SLCO3A1: variants seen among roughly 807,000 people sequenced by gnomAD.
SLCO3A1 encodes the protein solute carrier organic anion transporter family member 3A1.
In SLCO3A1, 27 loss-of-function variants were observed where a neutral mutation model predicts 63.1. The ratio of observed to expected loss-of-function variants is 0.43; its 90% CI spans 0.32 to 0.59. The LOEUF (loss-of-function observed/expected upper bound fraction) is 0.59, where lower values mean the gene tolerates loss of function less well. Ranked by LOEUF, SLCO3A1 falls within the 20% of genes least tolerant of loss-of-function variation. The probability of loss-of-function intolerance (pLI) is 0.09; values close to 1 mark genes in which losing one functional copy is unlikely to be tolerated. For missense variants in SLCO3A1, 773 were observed against 945.8 expected (o/e 0.82, Z 2.40); for synonymous variants, 473 against 409.9 (o/e 1.15, Z -1.86).
At chr15:92,134,902 G>A (rs916928888) in intron 7 of SLCO3A1, among the ~76,000 whole-genome samples, 1 of 152,014 alleles carries the variant, frequency 6.6e-6, no homozygotes, top group African/African-American at 2.4e-5. Context: ...TGGAAGGAGG[G>A]AGTGGGCATG....
intron 2 of SLCO3A1, among the ~76,000 whole-genome samples, chr15:91,960,858 G>A (rs1462717290): frequency 2.0e-5 from 3 of 152,246 alleles, no homozygotes; most frequent in South Asian, 2.1e-4. Flanking sequence ...AATCTGAAAT[G>A]TTCCAATGAG....
At chr15:92,111,120 AC>A (rs2047723822) in intron 4 of SLCO3A1, among the ~76,000 whole-genome samples, 1 of 152,058 alleles carries the variant, frequency 6.6e-6, no homozygotes, top group African/African-American at 2.4e-5. Context: ...TGTGCTTCCC[AC>A]AGTTCAGCAG....
intron 1 of SLCO3A1, among the ~76,000 whole-genome samples, chr15:91,908,159 A>G (rs922434553): frequency 6.6e-6 from 1 of 152,122 alleles, no homozygotes; most frequent in Non-Finnish European, 1.5e-5. Flanking sequence ...CATATTACCC[A>G]GTTAATATGA....
At chr15:92,141,607 C>T (rs1459714416) in intron 7 of SLCO3A1, among the ~76,000 whole-genome samples, 1 of 152,180 alleles carries the variant, frequency 6.6e-6, no homozygotes, top group Admixed American at 6.5e-5. Context: ...TTACTGCCAG[C>T]TGAAGGGGTA....
chr15:91,874,133 A>G (rs1452399794), intron 1 of SLCO3A1, among the ~76,000 whole-genome samples: 1 of 152,216 alleles, frequency 6.6e-6, no homozygotes, highest in East Asian at 1.9e-4. Context: ...TTTATAAATT[A>G]GGCACAGTAA....
chr15:92,152,223 G>A (rs1449028730), intron 9 of SLCO3A1, among the ~76,000 whole-genome samples: 1 of 152,230 alleles, frequency 6.6e-6, no homozygotes, highest in African/African-American at 2.4e-5. Flanking sequence ...ATATATGAAA[G>A]AAAAATATTA....
In SLCO3A1 at chr15:92,136,968, CTT is replaced by C. The variant is rs60449563; in HGVS notation, c.1512+8494_1512+8495del. Among the ~76,000 whole-genome samples the C allele has an allele frequency of 1.0e-3, 144 of 141,026 alleles. 1 individual carries two copies. Among genetic ancestry groups the C allele is most frequent in the Middle Eastern group, 3.6e-3 (1 of 280 alleles). 92.5% of individuals were successfully genotyped at this position (141,026 alleles called of 152,430 possible). On this transcript the variant is annotated intron_variant, in intron 7 of 9. Coordinates refer to ENST00000318445, the MANE Select transcript of SLCO3A1 (RefSeq NM_013272.4). ...CCATCGCGTGGACCAAGTAGTCTGT[CTT>C]TTTTTTTTTTTTTTAATTATACTTT...
rs375445486 is a variant in SLCO3A1 at position 91,942,328 on chromosome 15, A to G, written c.646+25870A>G. Among the ~76,000 whole-genome samples, 42 of 152,306 alleles carry G rather than the reference A, an allele frequency of 2.8e-4. No homozygotes were observed. Among genetic ancestry groups the G allele is most frequent in the African/African-American group, 9.9e-4 (41 of 41,572 alleles). On this transcript the variant is annotated intron_variant, in intron 2 of 9. Transcript: ENST00000318445. The surrounding 1 kb of genome is among the most constrained non-coding windows in gnomAD (Gnocchi z 4.1). Reference sequence around the variant, plus strand: ...AGGACTTGATTAGATATTGTTACACAGTGGTGATATGAGAACACACACCTG... The same window carrying G: ...AGGACTTGATTAGATATTGTTACACGGTGGTGATATGAGAACACACACCTG...
At position 91,973,479 on chromosome 15, in the gene SLCO3A1, G is replaced by A. The variant is rs186126097; in HGVS notation, c.646+57021G>A. Reference sequence around the variant, plus strand: ...GCTGACTGGAAAAACAGATGCAACAGCAGGAAGAAGGGGGGCTGAAGCTGG... The same window carrying A: ...GCTGACTGGAAAAACAGATGCAACAACAGGAAGAAGGGGGGCTGAAGCTGG... On this transcript the variant is annotated intron_variant, in intron 2 of 9. Transcript: ENST00000318445. 4.4e-3 allele frequency among the ~76,000 whole-genome samples: 675 copies of A among 152,316 alleles called. 3 individuals are homozygous for A. The highest frequency in any genetic ancestry group is 0.016 in the African/African-American group (657 of 41,576).
At chr15:92,115,140 G>A (rs900142126) in intron 4 of SLCO3A1, among the ~76,000 whole-genome samples, 4 of 152,080 alleles carry the variant, frequency 2.6e-5, no homozygotes, top group Admixed American at 2.0e-4. Flanking sequence ...CAGGTACACT[G>A]AGCCCCATGA....
At chr15:92,030,596 G>T (rs1229728206) in intron 2 of SLCO3A1, among the ~76,000 whole-genome samples, 1 of 152,168 alleles carries the variant, frequency 6.6e-6, no homozygotes, top group Middle Eastern at 3.2e-3. Flanking sequence ...TAAAATACTT[G>T]GGACACATTA....
intron 2 of SLCO3A1, among the ~76,000 whole-genome samples, chr15:92,068,190 G>T (rs750720280): frequency 6.6e-6 from 1 of 152,194 alleles, no homozygotes; most frequent in Non-Finnish European, 1.5e-5. Flanking sequence ...TGATAGAGCG[G>T]CACGAAGCTA....
At chr15:91,911,449 C>T (rs1898482590) in intron 1 of SLCO3A1, among the ~76,000 whole-genome samples, 2 of 152,138 alleles carry the variant, frequency 1.3e-5, no homozygotes, top group South Asian at 4.2e-4. Flanking sequence ...GCTTGGGGTT[C>T]AGCAGTCTCA....
At chr15:92,063,609 C>G (rs935831648) in intron 2 of SLCO3A1, among the ~76,000 whole-genome samples, 1 of 152,174 alleles carries the variant, frequency 6.6e-6, no homozygotes, top group African/African-American at 2.4e-5. Flanking sequence ...CCTGTAATCC[C>G]AGCACTTTGG....
chr15:92,085,609 C>G lies in SLCO3A1; in HGVS notation c.647-9272C>G, dbSNP rs556708114. ...GCCATTTGTGTGTATGTACTTATAT[C>G]ACGCATGTGCATACGTGTGTATTAA... On this transcript the variant is annotated intron_variant, in intron 2 of 9. Transcript: ENST00000318445. Among the ~76,000 whole-genome samples the G allele has an allele frequency of 3.3e-5, 5 of 152,372 alleles. No individual in the cohort carries two copies. The South Asian group carries it at 6.2e-4, about 19-fold the overall frequency.
intron 2 of SLCO3A1, among the ~76,000 whole-genome samples, chr15:91,938,967 C>G (rs548930181): frequency 4.1e-4 from 62 of 152,258 alleles, no homozygotes; most frequent in Non-Finnish European, 7.2e-4. Context: ...GTTGTGCCCC[C>G]CTCTGGGCTC....
intron 7 of SLCO3A1, among the ~76,000 whole-genome samples, chr15:92,143,873 G>A (rs1436546318): frequency 6.6e-6 from 1 of 152,078 alleles, no homozygotes; most frequent in African/African-American, 2.4e-5. Context: ...AGAGCTCAGG[G>A]GAACATCCCA....
At chr15:91,991,107 C>T (rs114597910) in intron 2 of SLCO3A1, among the ~76,000 whole-genome samples, 2 of 152,146 alleles carry the variant, frequency 1.3e-5, no homozygotes, top group Non-Finnish European at 2.9e-5. Context: ...CAATGGCTCA[C>T]GCCTGTAATC....
At chr15:92,099,761 A>G (rs778705831) in intron 3 of SLCO3A1, among the ~76,000 whole-genome samples, 16 of 152,202 alleles carry the variant, frequency 1.1e-4, no homozygotes, top group Non-Finnish European at 2.2e-4. Context: ...TGGAAGGGTT[A>G]GAAAAATTGA....
Sources: gnomAD v4.1 joint callset for allele counts (sites outside exome capture counted in the v4.1 genomes callset) on GRCh38, gnomAD v4.1.1 for gene constraint, Gnocchi (gnomAD v3.1) non-coding constraint, MANE v1.5 for transcripts, NCBI Gene and HGNC (gene_info 2026-07-23, HGNC 2026-07-21) for gene names.